The following CLASP1 variants were observed in gnomAD, a reference collection of about 807,000 sequenced individuals.
CLASP1 encodes the protein cytoplasmic linker associated protein 1.
A neutral mutation model predicts 192.3 loss-of-function variants in CLASP1; 38 were observed. That is an observed-to-expected ratio of 0.20 (90% CI 0.15 to 0.26). The LOEUF (loss-of-function observed/expected upper bound fraction) is 0.26, where lower values mean the gene tolerates loss of function less well. CLASP1 is among the 10% of genes least tolerant of loss of function. The probability of loss-of-function intolerance (pLI) is 1.00; values close to 1 mark genes in which losing one functional copy is unlikely to be tolerated. For missense variants in CLASP1, 1,433 were observed against 1,932.5 expected, an observed-to-expected ratio of 0.74 and a Z score of 4.85; for synonymous variants, 691 against 712.8, an observed-to-expected ratio of 0.97 and a Z score of 0.49.
chr2:121,527,869 C>T (rs2094613142), exon 5 of CLASP1: 2 of 1,613,840 alleles, frequency 1.2e-6, no homozygotes, highest in Non-Finnish European at 8.5e-7. Context: ...TTGAAGCCTC[C>T]AAGCATTCTG....
intron 2 of CLASP1, among the ~76,000 whole-genome samples, chr2:121,578,726 CAAAAA>C (rs3980092): frequency 1.9e-5 from 2 of 105,798 alleles, no homozygotes. Context: ...GACTCCGTCT[CAAAAA>C]AAAAAAAAAA....
chr2:121,591,050 T>C (rs779726380), intron 2 of CLASP1, among the ~76,000 whole-genome samples: 1 of 152,078 alleles, frequency 6.6e-6, no homozygotes, highest in Non-Finnish European at 1.5e-5. Flanking sequence ...GTATTTTTAG[T>C]GGAGACGGGG....
chr2:121,448,367 C>A (rs774420274), intron 17 of CLASP1, 42 bp from the exon 18 acceptor site: 1 of 1,384,708 alleles, frequency 7.2e-7, no homozygotes, highest in South Asian at 1.2e-5. Context: ...TGTACTGTAC[C>A]TGAATTAATA....
intron 3 of CLASP1, among the ~76,000 whole-genome samples, chr2:121,529,273 A>T (rs2094680747): frequency 6.6e-6 from 1 of 152,190 alleles, no homozygotes; most frequent in South Asian, 2.1e-4. Context: ...CGACATACCC[A>T]GGGTGGACCC....
chr2:121,367,415 C>A (rs1284314287), intron 35 of CLASP1, among the ~76,000 whole-genome samples, 173 bp downstream of exon 36: 1 of 152,194 alleles, frequency 6.6e-6, no homozygotes, highest in Admixed American at 6.5e-5. Flanking sequence ...GTTCCCCGTG[C>A]CCAAGCGCAC....
intron 2 of CLASP1, among the ~76,000 whole-genome samples, chr2:121,582,203 A>G (rs1286513697): frequency 6.6e-6 from 1 of 151,790 alleles, no homozygotes; most frequent in Non-Finnish European, 1.5e-5. Context: ...GAAAGGAAGA[A>G]AAAAAGAAAA....
At chr2:121,521,022 G>A (rs2094444930) in intron 6 of CLASP1, among the ~76,000 whole-genome samples, 1 of 152,080 alleles carries the variant, frequency 6.6e-6, no homozygotes, top group South Asian at 2.1e-4. Flanking sequence ...CTCTGCTCTT[G>A]GAAAAAGACA....
At chr2:121,552,939 C>A (rs994067864) in intron 2 of CLASP1, among the ~76,000 whole-genome samples, 3 of 152,176 alleles carry the variant, frequency 2.0e-5, no homozygotes, top group African/African-American at 7.2e-5. Context: ...TGGAATCAAC[C>A]TACATGCCCA....
rs368569472 is a variant in CLASP1 at position 121,431,448 on chromosome 2, C to CT, written c.1913-1272dup. ...ATTTGTTCAATGTGACACTACTGGTCTAGATACCTGTGCCTGGCTGACTGG... is the reference window on the plus strand; with the variant it reads ...ATTTGTTCAATGTGACACTACTGGTCTTAGATACCTGTGCCTGGCTGACTGG... On this transcript the variant is annotated intron_variant, in intron 19 of 39. Transcript: ENST00000263710. Among the ~76,000 whole-genome samples the CT allele has an allele frequency of 2.9e-3, 440 of 152,178 alleles. 3 individuals carry two copies. Among genetic ancestry groups the CT allele is most frequent in the African/African-American group, 0.01 (428 of 41,528 alleles).
chr2:121,606,533 CTG>C (rs1162936902), intron 1 of CLASP1, among the ~76,000 whole-genome samples: 2 of 152,198 alleles, frequency 1.3e-5, no homozygotes, highest in African/African-American at 4.8e-5. Context: ...TAACACCACT[CTG>C]TGTCTGAATC....
At chr2:121,427,269 A>C in intron 21 of CLASP1, 135 bp downstream of exon 21, 2 of 1,115,322 alleles carry the variant, frequency 1.8e-6, no homozygotes, top group Non-Finnish European at 2.5e-6. Context: ...CTAGAATTTG[A>C]ACACAAAGAA....
At chr2:121,548,368 C>T (rs187740718) in intron 2 of CLASP1, among the ~76,000 whole-genome samples, 1 of 151,992 alleles carries the variant, frequency 6.6e-6, no homozygotes, top group Non-Finnish European at 1.5e-5. Context: ...AAAATAGTGA[C>T]AAAAAGAATA....
intron 29 of CLASP1, 70 bp from the exon 31 acceptor site, chr2:121,397,353 G>A (rs2075452003): frequency 1.4e-6 from 2 of 1,422,936 alleles, no homozygotes; most frequent in African/African-American, 1.4e-5. Context: ...TTATCAGGTG[G>A]CCAGAGAAAA....
At chr2:121,546,564 G>A (rs1020658883) in intron 2 of CLASP1, among the ~76,000 whole-genome samples, 6 of 151,942 alleles carry the variant, frequency 3.9e-5, no homozygotes, top group Non-Finnish European at 8.8e-5. Context: ...GTGAATATGG[G>A]ACCCCGGGAA....
At chr2:121,448,449 T>C (rs2084791382) in intron 17 of CLASP1, 124 bp from the exon 18 acceptor site, 2 of 859,288 alleles carry the variant, frequency 2.3e-6, no homozygotes, top group Non-Finnish European at 3.7e-6. Context: ...TTTTGGGCAA[T>C]GTGAACCACA....
intron 8 of CLASP1, among the ~76,000 whole-genome samples, chr2:121,478,719 CA>C: frequency 1.7e-5 from 1 of 58,372 alleles, no homozygotes; most frequent in South Asian, 6.1e-4. Context: ...CACACACAAC[CA>C]CACACACACC....
At chr2:121,411,454 T>A (rs2077693836) in intron 23 of CLASP1, among the ~76,000 whole-genome samples, 2 of 152,206 alleles carry the variant, frequency 1.3e-5, no homozygotes, top group African/African-American at 4.8e-5. Flanking sequence ...GTTTAACTAT[T>A]GTTAAGCTCA....
At chr2:121,477,309 CT>C (rs947124573) in intron 8 of CLASP1, among the ~76,000 whole-genome samples, 8 of 152,106 alleles carry the variant, frequency 5.3e-5, no homozygotes, top group African/African-American at 1.4e-4. Flanking sequence ...GCTTTTATTA[CT>C]TTTTTAACGT....
rs146196179 is a variant in CLASP1 at position 121,391,360 on chromosome 2, A to G, written c.3124-3454T>C. Among the ~76,000 whole-genome samples the G allele has an allele frequency of 2.1e-3, 322 of 152,350 alleles. 1 individual carries two copies. The highest frequency in any genetic ancestry group is 7.4e-3 in the African/African-American group (309 of 41,586). ...TACGCTGAAGTGAGGACTGGCAAAC[A>G]GGAAAGTTGGGAGGATTGAATCAGA... On this transcript the variant is annotated intron_variant, in intron 30 of 39. Coordinates refer to ENST00000263710, the Ensembl canonical transcript of CLASP1.
Sources: allele counts gnomAD v4.1 joint callset (sites outside exome capture counted in the v4.1 genomes callset), GRCh38; gene constraint gnomAD v4.1.1; transcripts MANE v1.5; gene names NCBI Gene and HGNC (gene_info 2026-07-23, HGNC 2026-07-21).